Variants in AMZ1 observed in about 807,000 individuals in gnomAD.
The protein encoded by AMZ1 is archaemetzincin-1.
In AMZ1, 39 loss-of-function variants were observed where a neutral mutation model predicts 29.9. That is an observed-to-expected ratio of 1.30 (90% CI 1.01 to 1.70). The LOEUF is 1.70. Ranked by LOEUF, AMZ1 falls within the 40% of genes most tolerant of loss-of-function variation. The pLI, the probability that AMZ1 is intolerant of heterozygous loss-of-function variation, is 0.00. For missense variants in AMZ1, 1,041 were observed against 680.6 expected, an observed-to-expected ratio of 1.53 and a Z score of -5.89; for synonymous variants, 458 against 304.0, an observed-to-expected ratio of 1.51 and a Z score of -5.27.
chr7:2,712,853 G>C lies in AMZ1; in HGVS notation c.1472G>C (p.Arg491Pro). The change falls in exon 7 of 7, where the codon CGT (arginine) becomes CCT (proline). Residue 491 changes from arginine to proline, a missense_variant. Physicochemically the swap from Arg to Pro is moderately radical, Grantham distance 103. Coordinates refer to ENST00000683327, the MANE Select transcript of AMZ1 (RefSeq NM_001384743.1). ...CTCGCCAGAGCAGAGTCGGCCCCCC[G>C]TCCCTGGGATGGGGAAGAGAGTTAG... is the stretch of plus-strand genomic sequence containing the variant. ...RKLARAESAP[R>P]PWDGEES 1 of 1,523,184 alleles carries C rather than the reference G, an allele frequency of 6.6e-7. No individual in the cohort carries two copies. The highest frequency in any genetic ancestry group is 8.8e-7 in the Non-Finnish European group (1 of 1,135,250). The allele number at this position is 1,523,184 out of a possible 1,614,324, so 94.4% of individuals were successfully genotyped here. A position where few individuals can be genotyped will look rare whatever the true frequency, so the allele number is the denominator to read the frequency against.
intron 4 of AMZ1, among the ~76,000 whole-genome samples, chr7:2,752,333 C>T (rs763147134): frequency 5.9e-5 from 9 of 152,190 alleles, no homozygotes; most frequent in Non-Finnish European, 8.8e-5. Context: ...CAACTAACAT[C>T]CTAAGTCATG....
At chr7:2,689,411 A>T (rs1413428136) in intron 1 of AMZ1, among the ~76,000 whole-genome samples, 1 of 151,820 alleles carries the variant, frequency 6.6e-6, no homozygotes, top group Non-Finnish European at 1.5e-5. Context: ...GTCTTTGGAC[A>T]AAAAAAGGCA....
intron 1 of AMZ1, among the ~76,000 whole-genome samples, chr7:2,693,188 G>A (rs1179069760): frequency 6.6e-6 from 1 of 152,150 alleles, no homozygotes; most frequent in African/African-American, 2.4e-5. Flanking sequence ...CGCAACCTCC[G>A]CCTCCCGAGT....
chr7:2,689,799 T>A (rs1165266467), intron 1 of AMZ1, among the ~76,000 whole-genome samples: 1 of 152,188 alleles, frequency 6.6e-6, no homozygotes, highest in African/African-American at 2.4e-5. Context: ...GAAACCTCCA[T>A]CTGGGGGTCT....
rs976742061 is a variant in AMZ1 at position 2,709,163 on chromosome 7, A to G, written c.690A>G (p.Ala230=). Residue 230 remains alanine, a synonymous_variant, in exon 5 of 7, where the codon GCA becomes GCG. Coordinates refer to ENST00000683327, the MANE Select transcript of AMZ1 (RefSeq NM_001384743.1). The part of the protein sequence containing the change: ...SAPDLALVEA[A]ADGPEAPLQD... ...CTGATCTGGCCCTGGTAGAGGCAGC[A>G]GCAGACGGCCCCGAGGCCCCCCTGC... is the stretch of plus-strand genomic sequence containing the variant. 1.3e-6 allele frequency: 2 copies of G among 1,566,526 alleles called. No individual in the cohort carries two copies. Among genetic ancestry groups the G allele is most frequent in the African/African-American group, 2.7e-5 (2 of 73,018 alleles).
chr7:2,699,748 A>T lies in AMZ1; in HGVS notation c.-218-486A>T, dbSNP rs1434341380. ...AGGTGAGGATGCACACTTTGTGATC[A>T]TGCCGTGGAGAGGAGCATTTGGTTT... On this transcript the variant is annotated intron_variant, in intron 1 of 6. Coordinates refer to ENST00000683327, the MANE Select transcript of AMZ1 (RefSeq NM_001384743.1). Among the ~76,000 whole-genome samples the T allele has an allele frequency of 2.0e-5, 3 of 152,182 alleles. No individual in the cohort carries two copies. In the East Asian group the frequency reaches 5.8e-4, roughly 29 times the overall value.
At chr7:2,724,595 G>A (rs923060825), downstream of AMZ1, among the ~76,000 whole-genome samples, 8 of 152,120 alleles carry the variant, frequency 5.3e-5, no homozygotes, top group African/African-American at 1.9e-4. Context: ...GGAAATTCAG[G>A]CTGACGTGGG....
chr7:2,731,591 T>C lies in AMZ1; in HGVS notation n.550+21775T>C. 1 of 1,613,718 alleles carries C rather than the reference T, an allele frequency of 6.2e-7. No homozygotes were observed. Among genetic ancestry groups the C allele is most frequent in the South Asian group, 1.1e-5 (1 of 91,052 alleles). On this transcript the variant is annotated intron_variant and non_coding_transcript_variant, in intron 4 of 4. Transcript: ENST00000489665. This position sits in a 1 kb window ranked among gnomAD's most constrained non-coding sequence, Gnocchi z 6.0. ...GAGGAGACCATGAACAGGATGGACG[T>C]GATCCCGTCGAAGCACTGGAACCAC... is the stretch of plus-strand genomic sequence containing the variant.
chr7:2,737,478 G>A (rs527840091), intron 4 of AMZ1, among the ~76,000 whole-genome samples: 156 of 151,834 alleles, frequency 1.0e-3, no homozygotes, highest in African/African-American at 3.5e-3. Context: ...TAGTAGAGAC[G>A]GGGTTTCACC....
At chr7:2,759,370 C>G (rs1390750230) in intron 4 of AMZ1, among the ~76,000 whole-genome samples, 4 of 152,116 alleles carry the variant, frequency 2.6e-5, no homozygotes, top group African/African-American at 7.2e-5. Flanking sequence ...TTCTAAGGGC[C>G]TCCCCCATAT....
intron 6 of AMZ1, 88 bp downstream of exon 6, chr7:2,709,904 GA>G: frequency 6.5e-7 from 1 of 1,536,114 alleles, no homozygotes; most frequent in Non-Finnish European, 8.8e-7. Context: ...AGGGCATGGG[GA>G]CCGCACACAG....
rs1789107941 is a variant in AMZ1 at position 2,716,108 on chromosome 7, T to C, written c.*3230T>C. 1 of 152,220 alleles carries C rather than the reference T, an allele frequency of 6.6e-6. No individual in the cohort carries two copies. Among genetic ancestry groups the C allele is most frequent in the African/African-American group, 2.4e-5 (1 of 41,438 alleles). The allele number at this position is 152,220 out of a possible 1,614,324, so 9.4% of individuals were successfully genotyped here. On this transcript the variant is annotated 3_prime_UTR_variant, in exon 7 of 7. Coordinates refer to ENST00000683327, the MANE Select transcript of AMZ1 (RefSeq NM_001384743.1). ...TAGTTTCAGGTCATGACAGATGTTA[T>C]CTGTATTGCTGTGTGTGCGATGAGT...
chr7:2,708,328 G>A lies in AMZ1; in HGVS notation c.473-260G>A, dbSNP rs7788279. Among the ~76,000 whole-genome samples, 237 of 152,288 alleles carry A rather than the reference G, an allele frequency of 1.6e-3. 1 individual carries two copies. The highest frequency in any genetic ancestry group is 4.9e-3 in the African/African-American group (202 of 41,562). On this transcript the variant is annotated intron_variant, in intron 3 of 6. Transcript: ENST00000683327. ...CTGCAAGCGCCAGTCTTGTTGGCCC[G>A]GCTGCCTCTCCAGCGTCCCCACTGG...
intron 4 of AMZ1, among the ~76,000 whole-genome samples, chr7:2,738,979 C>T (rs930945241): frequency 6.6e-6 from 1 of 152,122 alleles, no homozygotes. Context: ...ACACAGCCAC[C>T]CCTTGGTCAC....
In AMZ1 at chr7:2,718,586, G is replaced by T. The variant is rs2045165646; in HGVS notation, c.*5708G>T. On this transcript the variant is annotated 3_prime_UTR_variant, in exon 7 of 7. Transcript: ENST00000683327. ...TGAGCGCGGCTGACGGCTCCCGGGG[G>T]CAGTGTGGGGTCCAGTCTGAAGCCG... 6.6e-6 allele frequency among the ~76,000 whole-genome samples: 1 copy of T among 152,234 alleles called. No homozygotes were observed.
At chr7:2,698,772 G>C (rs1375574014) in intron 1 of AMZ1, among the ~76,000 whole-genome samples, 1 of 152,182 alleles carries the variant, frequency 6.6e-6, no homozygotes, top group Non-Finnish European at 1.5e-5. Flanking sequence ...GGAGTTGGAG[G>C]CTGCAGTGAG....
intron 4 of AMZ1, among the ~76,000 whole-genome samples, chr7:2,743,704 C>T (rs798510): frequency 0.23 from 35,380 of 151,940 alleles, 4,812 homozygotes; most frequent in Non-Finnish European, 0.29. Context: ...GCACTGTGCG[C>T]GAGCCGAAGC....
chr7:2,731,787 G>T lies in AMZ1; in HGVS notation n.550+21971G>T. On this transcript the variant is annotated intron_variant and non_coding_transcript_variant, in intron 4 of 4. Transcript: ENST00000489665. The surrounding 1 kb of genome is among the most constrained non-coding windows in gnomAD (Gnocchi z 6.0). ...AGGATGAGGCAGAAATTTAGGGGGA[G>T]GAAGAAAGAACAGAGAAAATAGAAA... The T allele has an allele frequency of 9.2e-7, 1 of 1,087,676 alleles. No homozygotes were observed. The highest frequency in any genetic ancestry group is 1.3e-6 in the Non-Finnish European group (1 of 776,340). 67.4% of individuals were successfully genotyped at this position (1,087,676 alleles called of 1,614,324 possible). A position where few individuals can be genotyped will look rare whatever the true frequency, so the allele number is the denominator to read the frequency against.
At chr7:2,755,963 A>C (rs1791273639) in intron 4 of AMZ1, among the ~76,000 whole-genome samples, 1 of 152,230 alleles carries the variant, frequency 6.6e-6, no homozygotes, top group Non-Finnish European at 1.5e-5. Context: ...GTAGAAATTG[A>C]CAAGCTCATT....
Sources: allele counts gnomAD v4.1 joint callset (sites outside exome capture counted in the v4.1 genomes callset), GRCh38; gene constraint gnomAD v4.1.1; non-coding constraint Gnocchi (gnomAD v3.1); transcripts MANE v1.5; gene names NCBI Gene and HGNC (gene_info 2026-07-23, HGNC 2026-07-21).